TDRKH: variants seen among roughly 807,000 people sequenced by gnomAD.
TDRKH encodes the protein tudor and KH domain-containing protein.
TDRKH carries 28 observed loss-of-function variants against 61.3 expected under a neutral mutation model. That is an observed-to-expected ratio of 0.46 (90% CI 0.34 to 0.63). The LOEUF is 0.63. Ranked by LOEUF, TDRKH falls within the 20% of genes least tolerant of loss-of-function variation. The pLI, the probability that TDRKH is intolerant of heterozygous loss-of-function variation, is 0.01. For missense variants in TDRKH, 540 were observed against 683.4 expected, an observed-to-expected ratio of 0.79 and a Z score of 2.34; for synonymous variants, 219 against 244.4, an observed-to-expected ratio of 0.90 and a Z score of 0.97.
chr1:151,782,641 C>T, intron 2 of TDRKH: 1 of 224,440 alleles, frequency 4.5e-6, no homozygotes, highest in South Asian at 8.3e-5. Flanking sequence ...ACAAAAAATA[C>T]AGGCCTGTGG....
intron 4 of TDRKH, among the ~76,000 whole-genome samples, chr1:151,779,557 A>G (rs149830599): frequency 6.6e-6 from 1 of 152,328 alleles, no homozygotes; most frequent in East Asian, 1.9e-4. Flanking sequence ...AGAACACCGG[A>G]TCAAGGACAG....
intron 1 of TDRKH, among the ~76,000 whole-genome samples, chr1:151,785,586 C>T (rs1650238639): frequency 6.6e-6 from 1 of 152,026 alleles, no homozygotes. Flanking sequence ...GTCATATAAC[C>T]CTGTAAGGCA....
intron 1 of TDRKH, among the ~76,000 whole-genome samples, chr1:151,786,168 AAGG>A (rs1316327915): frequency 1.3e-5 from 2 of 152,212 alleles, no homozygotes; most frequent in Non-Finnish European, 2.9e-5. Flanking sequence ...TAAAGAGAGA[AAGG>A]AGAACATCTA....
chr1:151,779,613 G>T, intron 4 of TDRKH: 1 of 373,736 alleles, frequency 2.7e-6, no homozygotes, highest in Non-Finnish European at 4.8e-6. Context: ...TGCTCTAGGG[G>T]AAAGCATAAA....
In TDRKH at chr1:151,775,358, G is replaced by A. The variant is rs199888416; in HGVS notation, c.1434+34C>T. Reference sequence around the variant, plus strand: ...TAAATTAGGCTATAAATATACTGAAGATATGGCAAGCAGTGAGTGAATGCC... The same window carrying A: ...TAAATTAGGCTATAAATATACTGAAAATATGGCAAGCAGTGAGTGAATGCC... On this transcript the variant is annotated intron_variant, in intron 10 of 12. Transcript: ENST00000368824. 1.2e-4 allele frequency: 190 copies of A among 1,596,246 alleles called. No homozygotes were observed. The African/African-American group carries it at 2.4e-3, about 20-fold the overall frequency.
chr1:151,784,753 G>A (rs924699153), intron 1 of TDRKH, among the ~76,000 whole-genome samples: 5 of 151,842 alleles, frequency 3.3e-5, no homozygotes, highest in Admixed American at 6.6e-5. Context: ...TCTCATTCAC[G>A]GACTGGCTTT....
At chr1:151,766,749 G>A (rs1266135643), downstream of TDRKH, 1 of 1,556,250 alleles carries the variant, frequency 6.4e-7, no homozygotes, top group Non-Finnish European at 8.7e-7. Context: ...TCGCCCCTCT[G>A]TCTACTCCCT....
At chr1:151,768,071 C>T (rs762424853), downstream of TDRKH, 15 of 1,613,818 alleles carry the variant, frequency 9.3e-6, no homozygotes, top group South Asian at 3.3e-5. Context: ...GGGAACTTGA[C>T]GGTGCTGGCT....
At chr1:151,779,395 C>T (rs1207698585) in intron 4 of TDRKH, among the ~76,000 whole-genome samples, 153 bp from the exon 5 acceptor site, 2 of 152,204 alleles carry the variant, frequency 1.3e-5, no homozygotes, top group Non-Finnish European at 2.9e-5. Flanking sequence ...TCAGGAGCTA[C>T]TGAAATCATT....
chr1:151,776,676 G>A, intron 6 of TDRKH, 77 bp from the exon 7 acceptor site: 1 of 1,540,982 alleles, frequency 6.5e-7, no homozygotes, highest in Non-Finnish European at 8.8e-7. Flanking sequence ...AGGGTAGTGA[G>A]AGGTACAAAT....
intron 4 of TDRKH, 176 bp downstream of exon 4, chr1:151,779,775 G>T: frequency 1.7e-6 from 1 of 571,776 alleles, no homozygotes. Context: ...ACTTCTTGAG[G>T]AAACAGGTTT....
In TDRKH at chr1:151,775,088, C is replaced by T. The variant is rs761349528; in HGVS notation, c.1513G>A (p.Val505Ile). 3.1e-6 allele frequency: 5 copies of T among 1,614,014 alleles called. No homozygotes were observed. Among genetic ancestry groups the T allele is most frequent in the Non-Finnish European group, 4.2e-6 (5 of 1,180,024 alleles). The change falls in exon 11 of 13, where the codon GTC becomes ATC. Residue 505 changes from valine (V) to isoleucine (I), a missense_variant. Coordinates refer to ENST00000368824, the MANE Select transcript of TDRKH (RefSeq NM_001083965.2). Reference sequence around the variant, plus strand: ...ACCATGTCCTTCAACATGTCTGGGACAGCTCTGTTTTCTTCTATGTCTTCA... The same window carrying T: ...ACCATGTCCTTCAACATGTCTGGGATAGCTCTGTTTTCTTCTATGTCTTCA... ...LPEDIEENRA[V>I]PDMLKDMATE... is the part of the protein sequence containing the mutation.
chr1:151,774,462 T>G lies in TDRKH; in HGVS notation c.1676A>C (p.Tyr559Ser), dbSNP rs746401832. The G allele has an allele frequency of 5.6e-6, 9 of 1,614,006 alleles. No homozygotes were observed. In the East Asian group the frequency reaches 2.0e-4, roughly 36 times the overall value. ...MSGDDNLEDD[Y>S]LL ...ACTGAAGCCCAGACTTCAGAGTAAG[T>G]AGTCATCTTCAAGGTTATCATCACC... The change falls in exon 13 of 13, where the codon TAC (tyrosine) becomes TCC (serine). Residue 559 changes from tyrosine (Y) to serine (S), a missense_variant. Tyr to Ser is a moderately radical substitution (Grantham distance 144, BLOSUM62 -2). Transcript: ENST00000368824.
chr1:151,781,437 A>G (rs377732688), intron 3 of TDRKH, 44 bp downstream of exon 3: 6 of 1,552,690 alleles, frequency 3.9e-6, no homozygotes, highest in Non-Finnish European at 5.3e-6. Context: ...ATCAATAAAC[A>G]GAATCAATCC....
chr1:151,781,797 T>C, intron 2 of TDRKH: 1 of 544,678 alleles, frequency 1.8e-6, no homozygotes, highest in Non-Finnish European at 3.3e-6. Flanking sequence ...GGGACACTGT[T>C]TCAGATGCTA....
chr1:151,770,881 A>C (rs934068393), downstream of TDRKH, among the ~76,000 whole-genome samples: 2 of 152,214 alleles, frequency 1.3e-5, no homozygotes, highest in Non-Finnish European at 1.5e-5. Flanking sequence ...TGGAAACTGA[A>C]GTTCTGCAGG....
At chr1:151,768,102 G>A (rs372001393), downstream of TDRKH, 7 of 1,613,964 alleles carry the variant, frequency 4.3e-6, no homozygotes, top group Non-Finnish European at 5.9e-6. Flanking sequence ...TGCTCCACCA[G>A]GACCCAGTAC....
At chr1:151,783,256 A>G (rs1022646308) in intron 1 of TDRKH, 1 of 292,296 alleles carries the variant, frequency 3.4e-6, no homozygotes, top group Admixed American at 5.3e-5. Context: ...AGAATTAAAT[A>G]GAAGCATACT....
chr1:151,766,628 G>C, downstream of TDRKH: 1 of 1,454,400 alleles, frequency 6.9e-7, no homozygotes, highest in Non-Finnish European at 9.3e-7. Context: ...CCATGTCATA[G>C]TGCCCACTGG....
Sources: allele counts gnomAD v4.1 joint callset (sites outside exome capture counted in the v4.1 genomes callset), GRCh38; gene constraint gnomAD v4.1.1; transcripts MANE v1.5; gene names NCBI Gene and HGNC (gene_info 2026-07-23, HGNC 2026-07-21).